TPST2: variants seen among roughly 807,000 people sequenced by gnomAD.
The protein encoded by TPST2 is tyrosylprotein sulfotransferase 2.
In TPST2, 16 loss-of-function variants were observed where a neutral mutation model predicts 27.8. The observed-to-expected ratio is 0.58, with a 90% CI of 0.39 to 0.88. TPST2 has a LOEUF of 0.88. Ranked by LOEUF, TPST2 falls within the 40% of genes least tolerant of loss-of-function variation. The probability of loss-of-function intolerance (pLI) is 0.00; values close to 1 mark genes in which losing one functional copy is unlikely to be tolerated. For synonymous variants in TPST2, 229 were observed against 231.7 expected (o/e 0.99, Z 0.10); for missense variants, 464 against 543.1 (o/e 0.85, Z 1.45).
intron 4 of TPST2, among the ~76,000 whole-genome samples, chr22:26,533,122 G>A (rs73160896): frequency 0.12 from 18,931 of 152,194 alleles, 1,725 homozygotes; most frequent in South Asian, 0.32. Flanking sequence ...GTGGTCAAGA[G>A]GGGACTCTTG....
At chr22:26,547,462 G>GC (rs1407229250) in intron 1 of TPST2, 6 of 152,042 alleles carry the variant, frequency 3.9e-5, no homozygotes, top group African/African-American at 1.5e-4. Context: ...TAACACCAAA[G>GC]CAAGGGCTTT....
intron 1 of TPST2, among the ~76,000 whole-genome samples, chr22:26,548,556 AAGAG>A (rs1347156610): frequency 2.7e-5 from 4 of 150,690 alleles, no homozygotes; most frequent in South Asian, 2.1e-4. Flanking sequence ...AAAAAAGAGA[AAGAG>A]AGAAGAAAGA....
intron 1 of TPST2, among the ~76,000 whole-genome samples, chr22:26,581,578 A>G (rs1602306674): frequency 6.6e-6 from 1 of 152,178 alleles, no homozygotes; most frequent in East Asian, 1.9e-4. Context: ...AATTGGCCTC[A>G]CCTACTCATT....
intron 1 of TPST2, among the ~76,000 whole-genome samples, chr22:26,570,027 GAAA>G (rs1927558942): frequency 8.4e-6 from 1 of 119,532 alleles, no homozygotes; most frequent in Non-Finnish European, 1.7e-5. Flanking sequence ...AAGAAAGAAA[GAAA>G]GAAAGAAAGA....
In TPST2 at chr22:26,541,074, C is replaced by T. The variant is rs1569181097; in HGVS notation, c.557G>A (p.Arg186Gln). ...SKFLLMVRDG[R>Q]ASVHSMITRK... ...CGTGATCATGGAGTGCACGGAGGCC[C>T]GGCCGTCCCGCACCATCAGCAGGAA... Residue 186 changes from arginine (R) to glutamine (Q), a missense_variant, in exon 3 of 7, where the codon CGG becomes CAG. Transcript: ENST00000338754. This position sits in a 1 kb window ranked among gnomAD's most constrained non-coding sequence, Gnocchi z 5.9. 5 of 1,611,066 alleles carry T rather than the reference C, an allele frequency of 3.1e-6. No individual in the cohort carries two copies. Among genetic ancestry groups the T allele is most frequent in the South Asian group, 1.1e-5 (1 of 90,968 alleles).
At chr22:26,589,244 C>T (rs1022987061) in intron 1 of TPST2, among the ~76,000 whole-genome samples, 2 of 152,094 alleles carry the variant, frequency 1.3e-5, no homozygotes, top group Non-Finnish European at 2.9e-5. Context: ...TTTCTAATGA[C>T]TCTGCTGAGG....
At chr22:26,534,177 C>T (rs920651054) in intron 4 of TPST2, among the ~76,000 whole-genome samples, 31 of 152,062 alleles carry the variant, frequency 2.0e-4, no homozygotes, top group Non-Finnish European at 7.3e-5. Context: ...CAGGCAGAGA[C>T]GATTTCATCA....
chr22:26,553,224 C>A (rs188145548), intron 1 of TPST2, among the ~76,000 whole-genome samples: 52 of 152,078 alleles, frequency 3.4e-4, no homozygotes, highest in Non-Finnish European at 6.3e-4. Flanking sequence ...GGTGGCCAGC[C>A]TTTGGTAAGA....
intron 1 of TPST2, chr22:26,555,351 A>G (rs28402932): frequency 0.57 from 276,438 of 481,498 alleles, 80,577 homozygotes; most frequent in Non-Finnish European, 0.61. Flanking sequence ...GAATGCAATC[A>G]TCGTGGAGTG....
rs373558116 is a variant in TPST2 at position 26,574,424 on chromosome 22, G to C, written c.-161+15629C>G. ...CTGGAGTTCTAACTCAAGTGTGTCTGACTTGAGAGTTGCTATCATCCCACA... is the reference window on the plus strand; with the variant it reads ...CTGGAGTTCTAACTCAAGTGTGTCTCACTTGAGAGTTGCTATCATCCCACA... On this transcript the variant is annotated intron_variant, in intron 1 of 6. Coordinates refer to ENST00000338754, the MANE Select transcript of TPST2 (RefSeq NM_003595.5). 2.6e-5 allele frequency among the ~76,000 whole-genome samples: 4 copies of C among 152,286 alleles called. No individual in the cohort carries two copies. The East Asian group carries it at 7.7e-4, about 29-fold the overall frequency.
At chr22:26,533,737 C>T (rs866519226) in intron 4 of TPST2, among the ~76,000 whole-genome samples, 68 of 151,690 alleles carry the variant, frequency 4.5e-4, no homozygotes, top group African/African-American at 1.5e-3. Flanking sequence ...TGCAGTGGTG[C>T]GATCACGGCT....
At chr22:26,546,575 T>C (rs1173844095) in intron 1 of TPST2, among the ~76,000 whole-genome samples, 5 of 152,226 alleles carry the variant, frequency 3.3e-5, no homozygotes, top group Admixed American at 2.6e-4. Flanking sequence ...TTCAGAGCAA[T>C]GGAACAGGGC....
chr22:26,548,345 G>A (rs9613202), intron 1 of TPST2, among the ~76,000 whole-genome samples: 47,892 of 138,770 alleles, frequency 0.35, 9,048 homozygotes, highest in African/African-American at 0.44. Flanking sequence ...GGGAGAGGGA[G>A]GGGGAAAGGA....
At chr22:26,558,840 A>G (rs201285733) in intron 1 of TPST2, among the ~76,000 whole-genome samples, 2 of 152,106 alleles carry the variant, frequency 1.3e-5, no homozygotes, top group South Asian at 2.1e-4. Flanking sequence ...AGATCAGTGG[A>G]AAAAAATCCA....
At chr22:26,580,973 C>A (rs1236389317) in intron 1 of TPST2, among the ~76,000 whole-genome samples, 1 of 151,578 alleles carries the variant, frequency 6.6e-6, no homozygotes, top group Admixed American at 6.6e-5. Flanking sequence ...CTGCTGACCT[C>A]CAATTTTATT....
intron 1 of TPST2, among the ~76,000 whole-genome samples, chr22:26,547,854 CG>C (rs1926209983): frequency 1.3e-5 from 2 of 152,294 alleles, no homozygotes; most frequent in East Asian, 3.9e-4. Flanking sequence ...GGGTGGTACT[CG>C]GGTGGTAGGT....
Position 26,540,254 on chromosome 22 carries a change from T to C in TPST2, c.842+535A>G, listed in dbSNP as rs866114061. On this transcript the variant is annotated intron_variant, in intron 3 of 6. Transcript: ENST00000338754. ...ACCCAGACATCCTTGTTCTGGAATC[T>C]GTGCTCTTAACCTTTACCCACTATT... is the stretch of plus-strand genomic sequence containing the variant. Among the ~76,000 whole-genome samples, 3 of 152,294 alleles carry C rather than the reference T, an allele frequency of 2.0e-5. No individual in the cohort carries two copies. In the Middle Eastern group the frequency reaches 0.01, roughly 518 times the overall value.
intron 1 of TPST2, among the ~76,000 whole-genome samples, chr22:26,582,909 G>A (rs1272090360): frequency 1.3e-5 from 2 of 152,038 alleles, no homozygotes; most frequent in East Asian, 3.9e-4. Context: ...GTAGGGGCCT[G>A]TACCAGGTAA....
At chr22:26,538,926 G>A (rs573525678) in intron 3 of TPST2, among the ~76,000 whole-genome samples, 8 of 152,340 alleles carry the variant, frequency 5.3e-5, no homozygotes, top group Admixed American at 2.0e-4. Context: ...AGTATGTTTC[G>A]TTGGACTCCA....
Sources: allele counts gnomAD v4.1 joint callset (sites outside exome capture counted in the v4.1 genomes callset), GRCh38; gene constraint gnomAD v4.1.1; non-coding constraint Gnocchi (gnomAD v3.1); transcripts MANE v1.5; gene names NCBI Gene and HGNC (gene_info 2026-07-23, HGNC 2026-07-21).